Variants in GRIK4 observed in about 807,000 individuals in gnomAD.
The protein encoded by GRIK4 is glutamate receptor ionotropic, kainate 4.
Under a neutral mutation model 104.9 loss-of-function variants are expected in GRIK4, and 40 were observed. The observed-to-expected ratio is 0.38, with a 90% CI of 0.30 to 0.50. The LOEUF is 0.50. Among genes scored for constraint, GRIK4 ranks in the 20% least tolerant of loss-of-function variants. The pLI is 0.93. For synonymous variants in GRIK4, 485 were observed against 524.9 expected (o/e 0.92, Z 1.04); for missense variants, 1,047 against 1,308.1 (o/e 0.80, Z 3.08).
intron 13 of GRIK4, among the ~76,000 whole-genome samples, chr11:120,932,786 G>A (rs1186670130): frequency 6.6e-6 from 1 of 152,204 alleles, no homozygotes; most frequent in Non-Finnish European, 1.5e-5. Context: ...CAGGAGATGT[G>A]AAGCCTGACT....
At chr11:120,686,000 T>A (rs1322052968) in intron 3 of GRIK4, among the ~76,000 whole-genome samples, 1 of 152,066 alleles carries the variant, frequency 6.6e-6, no homozygotes, top group Non-Finnish European at 1.5e-5. Context: ...GGCTGTAGAT[T>A]TCAGCTGAGG....
At chr11:120,681,298 G>A (rs963268952) in intron 3 of GRIK4, among the ~76,000 whole-genome samples, 6 of 151,976 alleles carry the variant, frequency 3.9e-5, no homozygotes, top group Non-Finnish European at 7.4e-5. Flanking sequence ...TGAGTCCTGG[G>A]CTCTGAGACT....
chr11:120,787,124 C>T (rs1318921754), intron 3 of GRIK4, among the ~76,000 whole-genome samples: 1 of 151,510 alleles, frequency 6.6e-6, no homozygotes, highest in African/African-American at 2.4e-5. Flanking sequence ...TCAAAACCAG[C>T]GTAGGCAACA....
chr11:120,881,852 C>T (rs1310566649), intron 11 of GRIK4, among the ~76,000 whole-genome samples: 1 of 152,124 alleles, frequency 6.6e-6, no homozygotes. Flanking sequence ...CATGTAAAGG[C>T]AGCTGCATTT....
At chr11:120,908,463 A>AG (rs921858577) in intron 13 of GRIK4, among the ~76,000 whole-genome samples, 155 of 151,264 alleles carry the variant, frequency 1.0e-3, no homozygotes, top group African/African-American at 3.7e-3. Flanking sequence ...ACACACACAG[A>AG]GAGATTGAGA....
At chr11:120,586,260 G>A (rs947110722) in intron 1 of GRIK4, among the ~76,000 whole-genome samples, 1 of 152,084 alleles carries the variant, frequency 6.6e-6, no homozygotes, top group African/African-American at 2.4e-5. Context: ...ATAATCTAGG[G>A]GGTGGTTTTT....
intron 1 of GRIK4, among the ~76,000 whole-genome samples, chr11:120,628,794 T>C (rs535946932): frequency 1.3e-5 from 2 of 152,280 alleles, no homozygotes; most frequent in Admixed American, 1.3e-4. Flanking sequence ...TCATGCTCAG[T>C]TCTCTGTTTT....
chr11:120,862,621 G>A (rs1245361026), intron 9 of GRIK4, among the ~76,000 whole-genome samples: 6 of 152,068 alleles, frequency 3.9e-5, no homozygotes, highest in African/African-American at 1.4e-4. Flanking sequence ...CCACCCCCTG[G>A]CCACTTCCTG....
intron 19 of GRIK4, among the ~76,000 whole-genome samples, chr11:120,976,606 A>G (rs1201182925): frequency 6.6e-6 from 1 of 152,228 alleles, no homozygotes; most frequent in Non-Finnish European, 1.5e-5. Flanking sequence ...TTCTTGTCCA[A>G]TGCTCTTGAT....
intron 1 of GRIK4, among the ~76,000 whole-genome samples, chr11:120,589,114 G>T (rs1948705248): frequency 6.6e-6 from 1 of 152,172 alleles, no homozygotes; most frequent in African/African-American, 2.4e-5. Flanking sequence ...GATGCCCTCT[G>T]GGCCTCAACT....
chr11:120,905,527 TGGGCTGGGA>T lies in GRIK4; in HGVS notation c.1476+38_1476+46del. ...AGGACAAGTGATCTGGGCCTGAGGG[TGGGCTGGGA>T]GGGATTGGAAGAGCATGAGGTTGTG... On this transcript the variant is annotated intron_variant, in intron 13 of 20. Coordinates refer to ENST00000527524, the MANE Select transcript of GRIK4 (RefSeq NM_014619.5). The surrounding 1 kb of genome is among the most constrained non-coding windows in gnomAD (Gnocchi z 5.1). 2.5e-6 allele frequency: 1 copy of T among 406,506 alleles called. No individual in the cohort carries two copies. The highest frequency in any genetic ancestry group is 5.0e-6 in the Non-Finnish European group (1 of 200,800). 25.2% of individuals were successfully genotyped at this position (406,506 alleles called of 1,614,324 possible).
chr11:120,873,876 CCTGA>C, intron 9 of GRIK4, 186 bp from the exon 10 acceptor site: 1 of 552,524 alleles, frequency 1.8e-6, no homozygotes, highest in South Asian at 2.7e-5. Flanking sequence ...TGGGTGAACA[CCTGA>C]CTATTAGATG....
At chr11:120,681,884 G>A (rs58520335) in intron 3 of GRIK4, among the ~76,000 whole-genome samples, 2,007 of 152,264 alleles carry the variant, frequency 0.013, 41 homozygotes, top group African/African-American at 0.045. Flanking sequence ...GAAGTGCTCC[G>A]GGTAAAGGCT....
chr11:120,923,319 G>A (rs115803758), intron 13 of GRIK4, among the ~76,000 whole-genome samples: 2,637 of 151,936 alleles, frequency 0.017, 73 homozygotes, highest in African/African-American at 0.06. Context: ...GAGACAAGAT[G>A]CCAGAATCAG....
At chr11:120,773,831 G>A (rs1370543672) in intron 3 of GRIK4, among the ~76,000 whole-genome samples, 1 of 152,140 alleles carries the variant, frequency 6.6e-6, no homozygotes, top group African/African-American at 2.4e-5. Context: ...ACCCTCTGCT[G>A]GTCCAAGAAT....
At chr11:120,813,488 C>G (rs994834973) in intron 4 of GRIK4, among the ~76,000 whole-genome samples, 1 of 152,202 alleles carries the variant, frequency 6.6e-6, no homozygotes, top group African/African-American at 2.4e-5. Context: ...GCCTGATCAT[C>G]ACTACTTTGG....
intron 19 of GRIK4, among the ~76,000 whole-genome samples, chr11:120,973,221 CCA>C (rs1944505027): frequency 6.6e-6 from 1 of 152,132 alleles, no homozygotes. Context: ...AGTTCCGCAT[CCA>C]CAGAGGTCTA....
chr11:120,606,072 G>A (rs1021765768), intron 1 of GRIK4, among the ~76,000 whole-genome samples: 3 of 152,172 alleles, frequency 2.0e-5, no homozygotes, highest in Non-Finnish European at 2.9e-5. Flanking sequence ...TCATCTGCTT[G>A]GTGCTTGATT....
intron 1 of GRIK4, among the ~76,000 whole-genome samples, chr11:120,619,776 C>T (rs191719887): frequency 6.6e-5 from 10 of 152,298 alleles, no homozygotes; most frequent in African/African-American, 1.9e-4. Flanking sequence ...TTTCCTGAGG[C>T]CTCCCTAGAA....
Sources: gnomAD v4.1 joint callset for allele counts (sites outside exome capture counted in the v4.1 genomes callset) on GRCh38, gnomAD v4.1.1 for gene constraint, Gnocchi (gnomAD v3.1) non-coding constraint, MANE v1.5 for transcripts, NCBI Gene and HGNC (gene_info 2026-07-23, HGNC 2026-07-21) for gene names.